Variants in EEA1 observed in about 807,000 individuals in gnomAD.
EEA1 encodes the protein early endosome antigen 1, also known as early endosome antigen 1, 162kD.
Under a neutral mutation model 209.2 loss-of-function variants are expected in EEA1, and 111 were observed. The ratio of observed to expected loss-of-function variants is 0.53; its 90% CI spans 0.45 to 0.62. The LOEUF is 0.62. Among genes scored for constraint, EEA1 ranks in the 20% least tolerant of loss-of-function variants. EEA1 has a pLI of 0.00. For missense variants in EEA1, 1,343 were observed against 1,530.8 expected (o/e 0.88, Z 2.05); for synonymous variants, 536 against 540.6 (o/e 0.99, Z 0.12).
chr12:92,835,400 CTTTTTTTTTTTTTTTTTTT>C, intron 10 of EEA1: 1 of 151,494 alleles, frequency 6.6e-6, no homozygotes, highest in Non-Finnish European at 1.3e-5. Flanking sequence ...AGTTTCACTC[CTTTTTTTTTTTTTTTTTTT>C]TTTTTTTTTT....
At chr12:92,826,394 G>T in intron 12 of EEA1, 109 bp from the exon 13 acceptor site, 1 of 969,912 alleles carries the variant, frequency 1.0e-6, no homozygotes, top group African/African-American at 1.6e-5. Flanking sequence ...AAAAATTCAG[G>T]AATATATAAG....
At chr12:92,797,114 G>A (rs1190076485) in intron 21 of EEA1, among the ~76,000 whole-genome samples, 1 of 152,154 alleles carries the variant, frequency 6.6e-6, no homozygotes, top group Non-Finnish European at 1.5e-5. Flanking sequence ...TTGAGATGGA[G>A]TCTCACTCTG....
rs965872727 is a variant in EEA1, at chr12:92,772,845, T to C, written c.*3166A>G. 2 of 152,332 alleles carry C rather than the reference T, an allele frequency of 1.3e-5. No individual in the cohort carries two copies. Among genetic ancestry groups the C allele is most frequent in the African/African-American group, 2.4e-5 (1 of 41,454 alleles). The allele number at this position is 152,332 out of a possible 1,614,324, so 9.4% of individuals were successfully genotyped here. A position where few individuals can be genotyped will look rare whatever the true frequency, so the allele number is the denominator to read the frequency against. On this transcript the variant is annotated 3_prime_UTR_variant, in exon 29 of 29. Transcript: ENST00000322349. ...CAGTTCAAGGAATTACAGAATGTCA[T>C]ATACACAACTGCATTGTGTTACAAT...
chr12:92,924,088 A>T (rs1203567694), intron 1 of EEA1, among the ~76,000 whole-genome samples: 2 of 152,114 alleles, frequency 1.3e-5, no homozygotes, highest in Non-Finnish European at 2.9e-5. Flanking sequence ...ACTGCACTCC[A>T]TCCTGGCTGA....
chr12:92,883,713 C>A (rs1264776255), intron 2 of EEA1: 2 of 934,516 alleles, frequency 2.1e-6, no homozygotes, highest in East Asian at 2.4e-5. Context: ...TCAGCTTGTT[C>A]TTTTCTGCCC....
intron 8 of EEA1, 59 bp downstream of exon 8, chr12:92,852,115 AT>A (rs941835347): frequency 2.3e-6 from 3 of 1,329,118 alleles, no homozygotes; most frequent in African/African-American, 3.0e-5. Flanking sequence ...CAGGGTATGT[AT>A]TTTATTTTTA....
At chr12:92,793,201 T>G (rs1874492371) in intron 21 of EEA1, among the ~76,000 whole-genome samples, 1 of 152,172 alleles carries the variant, frequency 6.6e-6, no homozygotes, top group Non-Finnish European at 1.5e-5. Context: ...ACTGGAAGCA[T>G]TCCCTTTAAA....
At position 92,832,517 on chromosome 12, in the gene EEA1, T is replaced by C; in HGVS notation, c.1249A>G (p.Asn417Asp). ...ATAAAATTAACAGCTCTTACTTGAT[T>C]AATTTCACTTTGGAGTTGTAACCCA... is the stretch of plus-strand genomic sequence containing the variant. ...QHGLQLQSEI[N>D]QLHSKLLETE... Residue 417 changes from asparagine (N) to aspartate (D), a missense_variant, in exon 11 of 29, where the codon AAT becomes GAT. By Grantham distance (23) the Asn-to-Asp change is conservative (BLOSUM62 1). This residue lies in a region of EEA1 where 1,307 missense variants were observed against 1,465.5 expected (regional missense o/e 0.89). Coordinates refer to ENST00000322349, the MANE Select transcript of EEA1 (RefSeq NM_003566.4). 6.2e-7 allele frequency: 1 copy of C among 1,604,544 alleles called. No homozygotes were observed. The highest frequency in any genetic ancestry group is 8.5e-7 in the Non-Finnish European group (1 of 1,176,684).
At chr12:92,823,814 G>A (rs563571277) in intron 13 of EEA1, among the ~76,000 whole-genome samples, 4 of 152,212 alleles carry the variant, frequency 2.6e-5, no homozygotes, top group Admixed American at 1.3e-4. Context: ...GCAAAAGGGT[G>A]AAAGGCTGCC....
chr12:92,923,569 CAA>C (rs1412578066), intron 1 of EEA1, among the ~76,000 whole-genome samples: 1 of 152,106 alleles, frequency 6.6e-6, no homozygotes, highest in African/African-American at 2.4e-5. Context: ...CCATCCTCTG[CAA>C]AGACTTCCAC....
chr12:92,806,920 C>T (rs117095920), intron 18 of EEA1, among the ~76,000 whole-genome samples: 93 of 150,728 alleles, frequency 6.2e-4, no homozygotes, highest in Admixed American at 1.5e-3. Flanking sequence ...AATCCAAGCA[C>T]GGTAATTTTT....
chr12:92,790,260 A>G (rs909935536), intron 21 of EEA1, among the ~76,000 whole-genome samples: 7 of 152,236 alleles, frequency 4.6e-5, no homozygotes, highest in Non-Finnish European at 1.0e-4. Context: ...CAGCAACAGA[A>G]CAAAGCTGGA....
chr12:92,822,485 A>AT (rs1876105110), intron 13 of EEA1, among the ~76,000 whole-genome samples: 1 of 152,070 alleles, frequency 6.6e-6, no homozygotes. Context: ...TTCATTTATC[A>AT]TACTGAGCAT....
chr12:92,818,833 A>G (rs1288260173), intron 14 of EEA1, among the ~76,000 whole-genome samples: 1 of 152,176 alleles, frequency 6.6e-6, no homozygotes, highest in African/African-American at 2.4e-5. Flanking sequence ...TATCAAAATT[A>G]TTATTGGCTA....
chr12:92,908,994 G>A (rs572381558), intron 1 of EEA1, among the ~76,000 whole-genome samples: 164 of 152,122 alleles, frequency 1.1e-3, no homozygotes, highest in South Asian at 1.0e-2. Flanking sequence ...CAGCTAATTA[G>A]TAAAGATGGG....
chr12:92,776,142 G>T lies in EEA1; in HGVS notation c.4114-9C>A, dbSNP rs1432343413. On this transcript the variant is annotated splice_polypyrimidine_tract_variant and intron_variant, in intron 28 of 28. Coordinates refer to ENST00000322349, the MANE Select transcript of EEA1 (RefSeq NM_003566.4). ...CACTGTCGGCAGTGATGCTGTAAAT[G>T]ACAAAAATTAAACAATTTCAAGAAT... 3 of 1,596,554 alleles carry T rather than the reference G, an allele frequency of 1.9e-6. No homozygotes were observed. Among genetic ancestry groups the T allele is most frequent in the Non-Finnish European group, 2.6e-6 (3 of 1,171,300 alleles).
chr12:92,864,743 G>A lies in EEA1; in HGVS notation c.245+117C>T, dbSNP rs997462366. 3.9e-6 allele frequency: 4 copies of A among 1,030,228 alleles called. No homozygotes were observed. In the African/African-American group the frequency reaches 5.0e-5, roughly 13 times the overall value. 63.8% of individuals were successfully genotyped at this position (1,030,228 alleles called of 1,614,324 possible). ...AGGAAGGATATGCTAAATGATGACA[G>A]ATTTAAATTAAATAATACAAAAAGG... On this transcript the variant is annotated intron_variant, in intron 3 of 28. Coordinates refer to ENST00000322349, the MANE Select transcript of EEA1 (RefSeq NM_003566.4).
chr12:92,811,359 G>A lies in EEA1; in HGVS notation c.2119C>T (p.Leu707=), dbSNP rs1270618776. The A allele has an allele frequency of 1.2e-6, 2 of 1,606,832 alleles. No homozygotes were observed. Among genetic ancestry groups the A allele is most frequent in the Non-Finnish European group, 1.7e-6 (2 of 1,176,898 alleles). Residue 707 remains leucine, a synonymous_variant, in exon 17 of 29, where the codon CTG becomes TTG. Coordinates refer to ENST00000322349, the MANE Select transcript of EEA1 (RefSeq NM_003566.4). The stretch of plus-strand genomic sequence containing the variant: ...TTATATTCTTTAAGATGACTTTCCA[G>A]CTGACTGCAATGTTCTTGCTTGTCT... ...LQDKQEHCSQ[L]ESHLKEYKEK...
intron 15 of EEA1, among the ~76,000 whole-genome samples, chr12:92,814,920 A>G (rs1875705287): frequency 6.6e-6 from 1 of 152,112 alleles, no homozygotes; most frequent in African/African-American, 2.4e-5. Context: ...CATTACCTTA[A>G]CAGTTAAGCT....
Sources: gnomAD v4.1 joint callset for allele counts (sites outside exome capture counted in the v4.1 genomes callset) on GRCh38, gnomAD v4.1.1 for gene constraint, gnomAD v4.1.1 regional missense constraint, MANE v1.5 for transcripts, NCBI Gene and HGNC (gene_info 2026-07-23, HGNC 2026-07-21) for gene names.